The following SPPL2A variants were observed in gnomAD, a reference collection of about 807,000 sequenced individuals.
The protein encoded by SPPL2A is signal peptide peptidase-like 2A.
In SPPL2A, 51 loss-of-function variants were observed where a neutral mutation model predicts 63.8. The ratio of observed to expected loss-of-function variants is 0.80; its 90% CI spans 0.64 to 1.01. The LOEUF is 1.01. Ranked by LOEUF, SPPL2A falls within the 50% of genes least tolerant of loss-of-function variation. The probability of loss-of-function intolerance (pLI) is 0.00; values close to 1 mark genes in which losing one functional copy is unlikely to be tolerated. For synonymous variants in SPPL2A, 188 were observed against 205.8 expected, an observed-to-expected ratio of 0.91 and a Z score of 0.74; for missense variants, 553 against 622.7, an observed-to-expected ratio of 0.89 and a Z score of 1.19.
At chr15:50,739,932 ATTT>A in intron 5 of SPPL2A, 104 bp from the exon 6 acceptor site, 2 of 537,740 alleles carry the variant, frequency 3.7e-6, no homozygotes, top group Non-Finnish European at 5.8e-6. Flanking sequence ...AAAACAATGT[ATTT>A]TTATTTATTA....
intron 5 of SPPL2A, chr15:50,743,391 G>A (rs2062836943): frequency 6.6e-6 from 1 of 152,092 alleles, no homozygotes; most frequent in Non-Finnish European, 1.5e-5. Context: ...TGCTGCCCAG[G>A]CTTGAGTGCA....
In SPPL2A at chr15:50,765,501, C is replaced by G; in HGVS notation, c.33G>C (p.Gly11=). 6.7e-7 allele frequency: 1 copy of G among 1,502,814 alleles called. No homozygotes were observed. Among genetic ancestry groups the G allele is most frequent in the South Asian group, 1.2e-5 (1 of 80,956 alleles). 93.1% of individuals were successfully genotyped at this position (1,502,814 alleles called of 1,614,324 possible). A position where few individuals can be genotyped will look rare whatever the true frequency, so the allele number is the denominator to read the frequency against. The stretch of plus-strand genomic sequence containing the variant: ...GCAGGAAGCCCCAGAGTAGGGCGGC[C>G]CCGGCAGGGGACAGCCGCCGCTGCG... MGPQRRLSPA[G]AALLWGFLLQ... Residue 11 remains glycine, a synonymous_variant, in exon 1 of 15, where the codon GGG becomes GGC. Transcript: ENST00000261854.
At chr15:50,744,972 T>C (rs1232336516) in intron 5 of SPPL2A, among the ~76,000 whole-genome samples, 1 of 152,210 alleles carries the variant, frequency 6.6e-6, no homozygotes, top group African/African-American at 2.4e-5. Flanking sequence ...TTATAAAGTA[T>C]ATAGAAAACA....
intron 5 of SPPL2A, among the ~76,000 whole-genome samples, chr15:50,745,348 G>A (rs895913645): frequency 1.6e-4 from 24 of 151,900 alleles, no homozygotes; most frequent in East Asian, 1.9e-4. Flanking sequence ...ATGGGGTTTC[G>A]CCATGTGGGC....
intron 3 of SPPL2A, 110 bp downstream of exon 3, chr15:50,748,578 C>T: frequency 1.4e-6 from 1 of 691,554 alleles, no homozygotes; most frequent in South Asian, 2.2e-5. Flanking sequence ...ATCTTGCCAT[C>T]AGATCATTCA....
At chr15:50,722,033 C>G (rs923628875) in intron 13 of SPPL2A, 91 bp downstream of exon 13, 39 of 733,420 alleles carry the variant, frequency 5.3e-5, no homozygotes, top group Admixed American at 2.6e-4. Flanking sequence ...CCACCATGCC[C>G]AAACTGTACT....
chr15:50,717,493 A>C (rs1014002911), intron 14 of SPPL2A, among the ~76,000 whole-genome samples: 3 of 152,166 alleles, frequency 2.0e-5, no homozygotes, highest in Admixed American at 6.6e-5. Context: ...TCTTATTGCA[A>C]TAATTGTCCC....
chr15:50,753,194 A>G (rs1338940166), intron 1 of SPPL2A, among the ~76,000 whole-genome samples: 1 of 152,184 alleles, frequency 6.6e-6, no homozygotes, highest in Non-Finnish European at 1.5e-5. Flanking sequence ...TGATATTTAT[A>G]GTATAATCCT....
At chr15:50,713,642 T>G (rs1006347999) in intron 14 of SPPL2A, among the ~76,000 whole-genome samples, 9 of 152,096 alleles carry the variant, frequency 5.9e-5, no homozygotes, top group Non-Finnish European at 1.2e-4. Context: ...ATTTCAACAT[T>G]TTGTGCATAA....
intron 5 of SPPL2A, among the ~76,000 whole-genome samples, chr15:50,740,383 T>G (rs1411523091): frequency 7.6e-6 from 1 of 131,062 alleles, no homozygotes; most frequent in African/African-American, 3.0e-5. Flanking sequence ...CCTGAGATCG[T>G]GCCATTGCAC....
chr15:50,711,457 C>T (rs1246085325), intron 14 of SPPL2A, among the ~76,000 whole-genome samples: 2 of 152,092 alleles, frequency 1.3e-5, no homozygotes, highest in Non-Finnish European at 2.9e-5. Flanking sequence ...GCAATCCACC[C>T]GCCTCAGCCT....
At chr15:50,725,454 C>T (rs925859560) in intron 11 of SPPL2A, 131 bp from the exon 12 acceptor site, 2 of 596,196 alleles carry the variant, frequency 3.4e-6, no homozygotes, top group Non-Finnish European at 6.0e-6. Flanking sequence ...GAGTCTCGCT[C>T]TGTCGCCCAA....
intron 5 of SPPL2A, among the ~76,000 whole-genome samples, chr15:50,741,843 G>T (rs1361064108): frequency 1.3e-5 from 2 of 151,936 alleles, no homozygotes; most frequent in Non-Finnish European, 2.9e-5. Flanking sequence ...GCACGTGCCT[G>T]TAATCCCAGC....
chr15:50,726,347 C>T lies in SPPL2A; in HGVS notation c.1120G>A (p.Ala374Thr). The T allele has an allele frequency of 1.9e-6, 3 of 1,614,106 alleles. No homozygotes were observed. Among genetic ancestry groups the T allele is most frequent in the South Asian group, 1.1e-5 (1 of 91,084 alleles). ...NGESIMVELA[A>T]GPFGNNEKLP... Reference sequence around the variant, plus strand: ...TTTTCATTATTTCCAAAAGGTCCAGCTGCGAGTTCAACCATGATACTCTCA... The same window carrying T: ...TTTTCATTATTTCCAAAAGGTCCAGTTGCGAGTTCAACCATGATACTCTCA... Residue 374 changes from alanine (A) to threonine (T), a missense_variant, in exon 11 of 15, where the codon GCT becomes ACT. Ala to Thr is a moderately conservative substitution (Grantham distance 58). Coordinates refer to ENST00000261854, the MANE Select transcript of SPPL2A (RefSeq NM_032802.4).
chr15:50,761,810 C>T (rs190626160), intron 1 of SPPL2A, among the ~76,000 whole-genome samples: 11 of 151,154 alleles, frequency 7.3e-5, no homozygotes, highest in African/African-American at 2.4e-4. Flanking sequence ...ACGACGTGCA[C>T]CTGTAATCCT....
intron 2 of SPPL2A, among the ~76,000 whole-genome samples, chr15:50,749,290 CTATT>C (rs764077310): frequency 2.6e-5 from 4 of 151,856 alleles, no homozygotes; most frequent in Non-Finnish European, 5.9e-5. Context: ...GCCTTCTTCA[CTATT>C]TTTTTTTTTC....
At chr15:50,723,413 C>A (rs1348340900) in intron 12 of SPPL2A, among the ~76,000 whole-genome samples, 1 of 152,176 alleles carries the variant, frequency 6.6e-6, no homozygotes, top group Non-Finnish European at 1.5e-5. Context: ...ACCTAAGTGT[C>A]CATCAACAGA....
intron 14 of SPPL2A, among the ~76,000 whole-genome samples, chr15:50,716,338 G>A (rs1328441742): frequency 6.6e-6 from 1 of 152,072 alleles, no homozygotes; most frequent in African/African-American, 2.4e-5. Flanking sequence ...GGGATTACAA[G>A]TATGTGCCAC....
intron 10 of SPPL2A, among the ~76,000 whole-genome samples, chr15:50,727,603 C>T (rs928975707): frequency 2.6e-5 from 4 of 152,126 alleles, no homozygotes; most frequent in African/African-American, 9.7e-5. Flanking sequence ...CAATACTGAG[C>T]ACAGTGGTGG....
Sources: gnomAD v4.1 joint callset for allele counts (sites outside exome capture counted in the v4.1 genomes callset) on GRCh38, gnomAD v4.1.1 for gene constraint, MANE v1.5 for transcripts, NCBI Gene and HGNC (gene_info 2026-07-23, HGNC 2026-07-21) for gene names.